Variants in TEX55 observed in about 807,000 individuals in gnomAD.
The protein encoded by TEX55 is testis-specific expressed protein 55.
In TEX55, 31 loss-of-function variants were observed where a neutral mutation model predicts 44.6. The observed-to-expected ratio is 0.69, with a 90% CI of 0.52 to 0.94. TEX55 has a LOEUF of 0.94. Among genes scored for constraint, TEX55 ranks in the 40% least tolerant of loss-of-function variants. The probability of loss-of-function intolerance (pLI) is 0.00; values close to 1 mark genes in which losing one functional copy is unlikely to be tolerated. For synonymous variants in TEX55, 230 were observed against 230.9 expected, an observed-to-expected ratio of 1.00 and a Z score of 0.04; for missense variants, 639 against 638.4, an observed-to-expected ratio of 1.00 and a Z score of -0.01.
In TEX55 at chr3:119,146,346, G is replaced by A. The variant is rs563897840; in HGVS notation, c.157G>A (p.Asp53Asn). The change falls in exon 1 of 3, where the codon GAC becomes AAC. Residue 53 changes from aspartate (D) to asparagine (N), a missense_variant. Physicochemically the swap from Asp to Asn is conservative, Grantham distance 23 (BLOSUM62 1). Transcript: ENST00000295622. ...ADNHTAHRIA[D>N]QTALRVPSQA... is the part of the protein sequence containing the mutation. ...TAACCACACTGCTCACAGAATAGCT[G>A]ACCAGACTGCCCTAAGAGTGCCTAG... is the stretch of plus-strand genomic sequence containing the variant. The A allele has an allele frequency of 8.4e-5, 136 of 1,614,142 alleles. 3 individuals carry two copies. In the South Asian group the frequency reaches 1.5e-3, roughly 17 times the overall value.
At chr3:119,149,841 G>C (rs986485376) in intron 2 of TEX55, among the ~76,000 whole-genome samples, 1 of 152,096 alleles carries the variant, frequency 6.6e-6, no homozygotes, top group African/African-American at 2.4e-5. Context: ...TCTCTAGAGG[G>C]GAAAAGATAT....
At position 119,146,197 on chromosome 3, in the gene TEX55, A is replaced by T. The variant is rs1428411430; in HGVS notation, c.8A>T (p.Glu3Val). ...TCAGGGACGCGGCAGGAAATGGAAGAGCCTCCGCAAGAGGCTCTGGCTGAA... is the reference window on the plus strand; with the variant it reads ...TCAGGGACGCGGCAGGAAATGGAAGTGCCTCCGCAAGAGGCTCTGGCTGAA... Reference protein sequence around the residue: MEEPPQEALAEPL... With the variant: MEVPPQEALAEPL... The change falls in exon 1 of 3, where the codon GAG (glutamate) becomes GTG (valine). Residue 3 changes from glutamate to valine, a missense_variant. Physicochemically the swap from Glu to Val is moderately radical, Grantham distance 121. Coordinates refer to ENST00000295622, the MANE Select transcript of TEX55 (RefSeq NM_152539.3). 5.0e-6 allele frequency: 8 copies of T among 1,601,702 alleles called. No homozygotes were observed. Among genetic ancestry groups the T allele is most frequent in the Non-Finnish European group, 5.1e-6 (6 of 1,176,036 alleles).
chr3:119,146,290 A>C lies in TEX55; in HGVS notation c.101A>C (p.Asp34Ala), dbSNP rs767721868. 6.2e-7 allele frequency: 1 copy of C among 1,614,178 alleles called. No individual in the cohort carries two copies. The highest frequency in any genetic ancestry group is 1.7e-5 in the Admixed American group (1 of 60,030). The change falls in exon 1 of 3, where the codon GAC becomes GCC. Residue 34 changes from aspartate (D) to alanine (A), a missense_variant. Asp to Ala is a moderately radical substitution (Grantham distance 126). Coordinates refer to ENST00000295622, the MANE Select transcript of TEX55 (RefSeq NM_152539.3). ...CACACTAAGGGCCAGGAAGAAGACGACCAGAAGAACCAGGCCGAAAGGAAG... is the reference window on the plus strand; with the variant it reads ...CACACTAAGGGCCAGGAAGAAGACGCCCAGAAGAACCAGGCCGAAAGGAAG... ...AGHTKGQEED[D>A]QKNQAERKAD...
At chr3:119,147,681 G>A in intron 1 of TEX55, 94 bp downstream of exon 1, 5 of 1,028,912 alleles carry the variant, frequency 4.9e-6, no homozygotes, top group South Asian at 1.6e-5. Flanking sequence ...AAGGGCACAT[G>A]TTGCATCAAG....
chr3:119,147,686 A>C (rs1277186087), intron 1 of TEX55, 99 bp downstream of exon 1: 2 of 1,007,482 alleles, frequency 2.0e-6, no homozygotes, highest in Non-Finnish European at 2.9e-6. Flanking sequence ...CACATGTTGC[A>C]TCAAGGATAA....
Position 119,146,574 on chromosome 3 carries a change from C to G in TEX55, c.385C>G (p.Gln129Glu). ...CCAAGCTAATAATGTACAGCATGAACAGAGTGATGGTCAGGTGTCTGGCCT... is the reference window on the plus strand; with the variant it reads ...CCAAGCTAATAATGTACAGCATGAAGAGAGTGATGGTCAGGTGTCTGGCCT... ...SSQANNVQHE[Q>E]SDGQVSGLTE... The change falls in exon 1 of 3, where the codon CAG (glutamine) becomes GAG (glutamate). Residue 129 changes from glutamine (Q) to glutamate (E), a missense_variant. By Grantham distance (29) the Gln-to-Glu change is conservative. Transcript: ENST00000295622. 2 of 1,613,968 alleles carry G rather than the reference C, an allele frequency of 1.2e-6. No homozygotes were observed. Among genetic ancestry groups the G allele is most frequent in the Non-Finnish European group, 1.7e-6 (2 of 1,180,042 alleles).
intron 1 of TEX55, 91 bp downstream of exon 1, chr3:119,147,678 C>A: frequency 1.9e-6 from 2 of 1,034,550 alleles, no homozygotes; most frequent in Admixed American, 4.8e-5. Flanking sequence ...CGGAAGGGCA[C>A]ATGTTGCATC....
At position 119,148,192 on chromosome 3, in the gene TEX55, G is replaced by C; in HGVS notation, c.1411G>C (p.Glu471Gln). 6.2e-7 allele frequency: 1 copy of C among 1,603,046 alleles called. No homozygotes were observed. The highest frequency in any genetic ancestry group is 8.5e-7 in the Non-Finnish European group (1 of 1,176,968). Residue 471 changes from glutamate (E) to glutamine (Q), a missense_variant, in exon 2 of 3, where the codon GAA becomes CAA. Transcript: ENST00000295622. ...AIVTKSDEFS[E>Q]IDQGKGYHIR... ...ATTTAAATTTCAGGATGAATTTTCAGAAATTGACCAAGGAAAGGGTTATCA... is the reference window on the plus strand; with the variant it reads ...ATTTAAATTTCAGGATGAATTTTCACAAATTGACCAAGGAAAGGGTTATCA...
In TEX55 at chr3:119,146,206, A is replaced by C. The variant is rs371560180; in HGVS notation, c.17A>C (p.Gln6Pro). 1.3e-6 allele frequency: 2 copies of C among 1,597,062 alleles called. No individual in the cohort carries two copies. Among genetic ancestry groups the C allele is most frequent in the Non-Finnish European group, 1.7e-6 (2 of 1,171,970 alleles). Residue 6 changes from glutamine (Q) to proline (P), a missense_variant, in exon 1 of 3, where the codon CAA (glutamine) becomes CCA (proline). Coordinates refer to ENST00000295622, the MANE Select transcript of TEX55 (RefSeq NM_152539.3). MEEPP[Q>P]EALAEPLKHE... Reference sequence around the variant, plus strand: ...CGGCAGGAAATGGAAGAGCCTCCGCAAGAGGCTCTGGCTGAACCCTTGAAA... The same window carrying C: ...CGGCAGGAAATGGAAGAGCCTCCGCCAGAGGCTCTGGCTGAACCCTTGAAA...
chr3:119,146,482 C>G lies in TEX55; in HGVS notation c.293C>G (p.Ser98Cys). Residue 98 changes from serine (S) to cysteine (C), a missense_variant, in exon 1 of 3, where the codon TCT (serine) becomes TGT (cysteine). Coordinates refer to ENST00000295622, the MANE Select transcript of TEX55 (RefSeq NM_152539.3). ...AGAGCATCCAACCCTGCTGATGTTT[C>G]TGACCTTAGAGCAGATGATCAGGTT... ...GRRASNPADV[S>C]DLRADDQVNQ... is the part of the protein sequence containing the mutation. The G allele has an allele frequency of 1.9e-6, 3 of 1,614,116 alleles. No individual in the cohort carries two copies. Among genetic ancestry groups the G allele is most frequent in the Non-Finnish European group, 2.5e-6 (3 of 1,180,046 alleles).
chr3:119,147,504 C>G lies in TEX55; in HGVS notation c.1315C>G (p.Leu439Val), dbSNP rs759958869. 1 of 1,614,154 alleles carries G rather than the reference C, an allele frequency of 6.2e-7. No individual in the cohort carries two copies. Among genetic ancestry groups the G allele is most frequent in the East Asian group, 2.2e-5 (1 of 44,876 alleles). ...TAACTTCCAAGCAAAAGACCAAGCT[C>G]TTTTCCCAAGACTCCCCTCCATCTC... ...TSNFQAKDQA[L>V]FPRLPSISSK... Residue 439 changes from leucine to valine, a missense_variant, in exon 1 of 3, where the codon CTT becomes GTT. By Grantham distance (32) the Leu-to-Val change is conservative. Coordinates refer to ENST00000295622, the MANE Select transcript of TEX55 (RefSeq NM_152539.3).
In TEX55 at chr3:119,151,283, C is replaced by G. The variant is rs570667131; in HGVS notation, c.1602C>G (p.Cys534Trp). ...KPEDPLNFMLCQV is the reference protein window; with the variant it reads ...KPEDPLNFMLWQV ...AGGACCCCCTGAATTTTATGCTGTG[C>G]CAGGTATAGAATTGGAGAAAAAGAA... is the stretch of plus-strand genomic sequence containing the variant. Residue 534 changes from cysteine (C) to tryptophan (W), a missense_variant, in exon 3 of 3, where the codon TGC becomes TGG. Transcript: ENST00000295622. The G allele has an allele frequency of 6.2e-7, 1 of 1,612,622 alleles. No individual in the cohort carries two copies. The highest frequency in any genetic ancestry group is 8.5e-7 in the Non-Finnish European group (1 of 1,178,896).
rs772138717 is a variant in TEX55 at position 119,147,566 on chromosome 3, T to C, written c.1377T>C (p.Thr459=). 1 of 1,611,936 alleles carries C rather than the reference T, an allele frequency of 6.2e-7. No individual in the cohort carries two copies. The highest frequency in any genetic ancestry group is 2.2e-5 in the East Asian group (1 of 44,830). ...KLNYTSSQEK[T]QAIVTKSDEF... ...ACTATACCAGCAGTCAAGAAAAAAC[T>C]CAAGCCATAGTAACCAAATCTGTAA... Residue 459 remains threonine, a synonymous_variant, in exon 1 of 3, where the codon ACT becomes ACC. Transcript: ENST00000295622.
chr3:119,146,754 A>C lies in TEX55; in HGVS notation c.565A>C (p.Arg189=), dbSNP rs377393635. The change falls in exon 1 of 3, where the codon AGA becomes CGA. Residue 189 remains arginine, a synonymous_variant. Transcript: ENST00000295622. Reference sequence around the variant, plus strand: ...CAGAATGGCAGGCCAGTCTGAGAGAAGAGCTTCCGAGCAGATGGACCGCAG... The same window carrying C: ...CAGAATGGCAGGCCAGTCTGAGAGACGAGCTTCCGAGCAGATGGACCGCAG... ...DHRMAGQSER[R]ASEQMDRRMS... 3.1e-6 allele frequency: 5 copies of C among 1,613,958 alleles called. No homozygotes were observed. Among genetic ancestry groups the C allele is most frequent in the African/African-American group, 1.3e-5 (1 of 74,926 alleles).
At chr3:119,148,053 T>TA (rs2077747956) in intron 1 of TEX55, 127 bp from the exon 2 acceptor site, 1 of 860,236 alleles carries the variant, frequency 1.2e-6, no homozygotes, top group Non-Finnish European at 1.8e-6. Flanking sequence ...AAGTCTCTCT[T>TA]AAAAATGTGT....
chr3:119,147,666 A>C (rs2077741777), intron 1 of TEX55, 79 bp downstream of exon 1: 1 of 1,213,762 alleles, frequency 8.2e-7, no homozygotes, highest in Non-Finnish European at 1.2e-6. Flanking sequence ...ATAGGGGTAC[A>C]ACGGAAGGGC....
In TEX55 at chr3:119,146,643, A is replaced by G. The variant is rs1281743903; in HGVS notation, c.454A>G (p.Thr152Ala). 1.9e-6 allele frequency: 3 copies of G among 1,614,052 alleles called. No homozygotes were observed. Among genetic ancestry groups the G allele is most frequent in the Admixed American group, 3.3e-5 (2 of 60,010 alleles). Residue 152 changes from threonine (T) to alanine (A), a missense_variant, in exon 1 of 3, where the codon ACC becomes GCC. By Grantham distance (58) the Thr-to-Ala change is moderately conservative. Transcript: ENST00000295622. The part of the protein sequence containing the change: ...TAEQTERRLP[T>A]QAERRTSGQI... ...TGAACAGACTGAACGAAGATTACCT[A>G]CCCAGGCTGAGAGAAGAACTTCTGG...
rs555894845 is a variant in TEX55 at position 119,149,439 on chromosome 3, C to A, written c.1542+1116C>A. On this transcript the variant is annotated intron_variant, in intron 2 of 2. Transcript: ENST00000295622. Reference sequence around the variant, plus strand: ...ATAACATGCATGGAGCTGTCATCTCCTGTGATAACAATGCCTTCTGGAATA... The same window carrying A: ...ATAACATGCATGGAGCTGTCATCTCATGTGATAACAATGCCTTCTGGAATA... Among the ~76,000 whole-genome samples, 6 of 152,274 alleles carry A rather than the reference C, an allele frequency of 3.9e-5. No individual in the cohort carries two copies. The East Asian group carries it at 1.2e-3, about 29-fold the overall frequency.
rs900471909 is a variant in TEX55 at position 119,149,132 on chromosome 3, A to G, written c.1542+809A>G. ...AACCTTAGCTTACTGTAGCTTTTTTACTTTATAAATTTTTAATTTTTTTTA... is the reference window on the plus strand; with the variant it reads ...AACCTTAGCTTACTGTAGCTTTTTTGCTTTATAAATTTTTAATTTTTTTTA... On this transcript the variant is annotated intron_variant, in intron 2 of 2. Coordinates refer to ENST00000295622, the MANE Select transcript of TEX55 (RefSeq NM_152539.3). Among the ~76,000 whole-genome samples, 4 of 151,890 alleles carry G rather than the reference A, an allele frequency of 2.6e-5. No homozygotes were observed. The East Asian group carries it at 7.7e-4, about 29-fold the overall frequency.
Sources: gnomAD v4.1 joint callset for allele counts (sites outside exome capture counted in the v4.1 genomes callset) on GRCh38, gnomAD v4.1.1 for gene constraint, MANE v1.5 for transcripts, NCBI Gene and HGNC (gene_info 2026-07-23, HGNC 2026-07-21) for gene names.